Variants in FAT3 observed in about 807,000 individuals in gnomAD.
FAT3 encodes FAT atypical cadherin 3.
Under a neutral mutation model 310.2 loss-of-function variants are expected in FAT3, and 95 were observed. That is an observed-to-expected ratio of 0.31 (90% CI 0.26 to 0.36). FAT3 has a LOEUF of 0.36. FAT3 is among the 10% of genes least tolerant of loss of function. The pLI is 1.00. For missense variants in FAT3, 5,408 were observed against 5,715.6 expected (o/e 0.95, Z 1.74); for synonymous variants, 2,314 against 2,192.9 (o/e 1.06, Z -1.54).
intron 4 of FAT3, among the ~76,000 whole-genome samples, chr11:92,710,230 T>A (rs538231130): frequency 5.3e-5 from 8 of 152,340 alleles, no homozygotes; most frequent in African/African-American, 1.9e-4. Flanking sequence ...CGATCCAGTG[T>A]TCTGACTTTC....
At chr11:92,748,245 T>C (rs575397377) in intron 4 of FAT3, among the ~76,000 whole-genome samples, 1 of 152,174 alleles carries the variant, frequency 6.6e-6, no homozygotes, top group Admixed American at 6.5e-5. Context: ...GCAGGGGAAC[T>C]TCCATTTATA....
At position 92,402,722 on chromosome 11, in the gene FAT3, A is replaced by AC. The variant is rs1347755250; in HGVS notation, c.3292+47323dup. ...GCTCCAGCATAGGTGACAGAGTGAG[A>AC]CCCCCTCTCAAAAAAAAAAAGAAAG... On this transcript the variant is annotated intron_variant, in intron 2 of 27. Transcript: ENST00000525166. Among the ~76,000 whole-genome samples, 5 of 147,372 alleles carry AC rather than the reference A, an allele frequency of 3.4e-5. No homozygotes were observed. The Admixed American group carries it at 3.4e-4, about 10-fold the overall frequency.
intron 2 of FAT3, among the ~76,000 whole-genome samples, chr11:92,384,759 C>T (rs560571866): frequency 6.6e-6 from 1 of 152,242 alleles, no homozygotes; most frequent in East Asian, 1.9e-4. Flanking sequence ...TGGAAGAGAC[C>T]AGGAGCTGTT....
At chr11:92,320,882 G>A (rs990678407) in intron 1 of FAT3, among the ~76,000 whole-genome samples, 24 of 117,096 alleles carry the variant, frequency 2.0e-4, no homozygotes, top group Admixed American at 4.9e-4. Flanking sequence ...AAAAAAAAAG[G>A]GGGGGGTACT....
At chr11:92,721,398 G>A (rs1407629992) in intron 4 of FAT3, among the ~76,000 whole-genome samples, 2 of 152,100 alleles carry the variant, frequency 1.3e-5, no homozygotes, top group African/African-American at 2.4e-5. Context: ...CATTAAACAG[G>A]TGAACTTTAT....
intron 2 of FAT3, among the ~76,000 whole-genome samples, chr11:92,413,481 G>A (rs111693848): frequency 4.8e-4 from 73 of 152,138 alleles, no homozygotes; most frequent in African/African-American, 1.7e-3. Flanking sequence ...TGTCAAATGG[G>A]GTCACATTTT....
At chr11:92,278,211 C>T (rs1323141358) in intron 1 of FAT3, among the ~76,000 whole-genome samples, 1 of 152,104 alleles carries the variant, frequency 6.6e-6, no homozygotes, top group Non-Finnish European at 1.5e-5. Context: ...GTTAAAGTTA[C>T]ATGTTTAAGG....
At chr11:92,595,140 G>A (rs1255534730) in intron 3 of FAT3, among the ~76,000 whole-genome samples, 4 of 152,016 alleles carry the variant, frequency 2.6e-5, no homozygotes. Context: ...GAAAGCTTCT[G>A]TTTGGCAGGG....
rs74667580 is a variant in FAT3 at position 92,810,243 on chromosome 11, A to C, written c.9481+167A>C. ...TATTCAGCTAATACACTTCATATGCATGAGAAAAGTCTGCAAGTTGGCCCT... is the reference window on the plus strand; with the variant it reads ...TATTCAGCTAATACACTTCATATGCCTGAGAAAAGTCTGCAAGTTGGCCCT... On this transcript the variant is annotated intron_variant, in intron 13 of 27. Transcript: ENST00000525166. 3.5e-3 allele frequency among the ~76,000 whole-genome samples: 537 copies of C among 152,340 alleles called. 2 individuals carry two copies. Among genetic ancestry groups the C allele is most frequent in the African/African-American group, 0.012 (502 of 41,582 alleles).
chr11:92,513,452 G>C (rs940396637), intron 2 of FAT3, among the ~76,000 whole-genome samples: 1 of 152,116 alleles, frequency 6.6e-6, no homozygotes, highest in Admixed American at 6.5e-5. Context: ...AGTGGTTATG[G>C]AGCCCATGAA....
At chr11:92,229,520 T>TTTTTTTTTTTTTTTTTTTTTTTTTTTTTG (rs1864079872) in intron 1 of FAT3, among the ~76,000 whole-genome samples, 1 of 135,036 alleles carries the variant, frequency 7.4e-6, no homozygotes, top group African/African-American at 2.7e-5. Context: ...TTTTGTTTTT[T>TTTTTTTTTTTTTTTTTTTTTTTTTTTTTG]TTTACATTGC....
chr11:92,715,241 TAAAAAAA>T (rs760806391), intron 4 of FAT3, among the ~76,000 whole-genome samples: 47 of 116,310 alleles, frequency 4.0e-4, no homozygotes, highest in African/African-American at 1.4e-3. Flanking sequence ...CCGTCTCCAC[TAAAAAAA>T]AAAAAAAAAA....
intron 3 of FAT3, among the ~76,000 whole-genome samples, chr11:92,535,086 A>G (rs1427889117): frequency 6.6e-6 from 1 of 152,154 alleles, no homozygotes; most frequent in East Asian, 1.9e-4. Context: ...AAAAGAAATA[A>G]GAGGGTAAGG....
intron 2 of FAT3, among the ~76,000 whole-genome samples, chr11:92,392,519 T>G (rs1335413721): frequency 6.6e-6 from 1 of 152,132 alleles, no homozygotes. Context: ...ATCTGTCTCT[T>G]GCTCTCTACC....
chr11:92,784,590 C>T (rs1946839660), intron 7 of FAT3, among the ~76,000 whole-genome samples: 1 of 152,172 alleles, frequency 6.6e-6, no homozygotes, highest in South Asian at 2.1e-4. Flanking sequence ...TTCCTATATT[C>T]GGGTTTCCTC....
chr11:92,571,177 A>C (rs960347093), intron 3 of FAT3, among the ~76,000 whole-genome samples: 1 of 152,334 alleles, frequency 6.6e-6, no homozygotes, highest in Middle Eastern at 3.4e-3. Context: ...AGAATGAATT[A>C]GGAGGAAAGA....
intron 3 of FAT3, among the ~76,000 whole-genome samples, chr11:92,564,982 G>A (rs9667171): frequency 0.34 from 43,444 of 129,220 alleles, 8,041 homozygotes; most frequent in Middle Eastern, 0.51. Context: ...AAGAACTAGA[G>A]AAGCAAGAGC....
chr11:92,412,740 T>TATATATAA (rs1555038611), intron 2 of FAT3, among the ~76,000 whole-genome samples: 21 of 76,322 alleles, frequency 2.8e-4, no homozygotes, highest in African/African-American at 1.9e-3. Context: ...TATATATATA[T>TATATATAA]ATATAAATAT....
chr11:92,477,075 T>C (rs1283118634), intron 2 of FAT3, among the ~76,000 whole-genome samples: 1 of 152,242 alleles, frequency 6.6e-6, no homozygotes, highest in African/African-American at 2.4e-5. Flanking sequence ...GAATACCTGA[T>C]GGTAAGTTCG....
Sources: gnomAD v4.1 joint callset for allele counts (sites outside exome capture counted in the v4.1 genomes callset) on GRCh38, gnomAD v4.1.1 for gene constraint, MANE v1.5 for transcripts, NCBI Gene and HGNC (gene_info 2026-07-23, HGNC 2026-07-21) for gene names.